RELN: variants seen among roughly 807,000 people sequenced by gnomAD.
RELN encodes reelin.
RELN carries 108 observed loss-of-function variants against 427.6 expected under a neutral mutation model. The observed-to-expected ratio is 0.25, with a 90% confidence interval of 0.22 to 0.30. The LOEUF (loss-of-function observed/expected upper bound fraction) is 0.30. RELN is among the 10% of genes least tolerant of loss of function. The pLI, the probability that RELN is intolerant of heterozygous loss-of-function variation, is 1.00. For synonymous variants in RELN, 1,524 were observed against 1,513.4 expected, an observed-to-expected ratio of 1.01 and a Z score of -0.16; for missense variants, 3,715 against 4,302.8, an observed-to-expected ratio of 0.86 and a Z score of 3.82.
intron 4 of RELN, among the ~76,000 whole-genome samples, chr7:103,776,108 A>C (rs1275797929): frequency 6.6e-6 from 1 of 152,206 alleles, no homozygotes; most frequent in African/African-American, 2.4e-5. Context: ...GTCTAGCCAC[A>C]CAAGTCCGAA....
In RELN at chr7:103,572,164, A is replaced by G. The variant is rs755487980; in HGVS notation, c.4588+20T>C. 3.4e-6 allele frequency: 5 copies of G among 1,449,856 alleles called. No individual in the cohort carries two copies. Among genetic ancestry groups the G allele is most frequent in the South Asian group, 1.1e-5 (1 of 87,748 alleles). 89.8% of individuals were successfully genotyped at this position (1,449,856 alleles called of 1,614,324 possible). On this transcript the variant is annotated intron_variant, in intron 31 of 64. Coordinates refer to ENST00000428762, the MANE Select transcript of RELN (RefSeq NM_005045.4). Reference sequence around the variant, plus strand: ...TCTGCCAATAGTAACTGTAATTTCCATGGAAATACAGCAGCTTACCTTCAT... The same window carrying G: ...TCTGCCAATAGTAACTGTAATTTCCGTGGAAATACAGCAGCTTACCTTCAT...
intron 5 of RELN, among the ~76,000 whole-genome samples, chr7:103,751,797 A>G (rs192350472): frequency 1.1e-3 from 163 of 152,332 alleles, no homozygotes; most frequent in African/African-American, 3.8e-3. Context: ...TTTTCCAAAG[A>G]GGAAAAATAA....
Position 103,988,546 on chromosome 7 carries a change from A to G in RELN, c.226+585T>C, listed in dbSNP as rs1797149493. On this transcript the variant is annotated intron_variant, in intron 1 of 64. Coordinates refer to ENST00000428762, the MANE Select transcript of RELN (RefSeq NM_005045.4). The surrounding 1 kb of genome is among the most constrained non-coding windows in gnomAD (Gnocchi z 4.9). ...TATTAAATCACACTTTCAAAAGAAT[A>G]GGGAGCTGGAAGCAGCCGCTCCCTT... is the stretch of plus-strand genomic sequence containing the variant. Among the ~76,000 whole-genome samples, 1 of 152,246 alleles carries G rather than the reference A, an allele frequency of 6.6e-6. No homozygotes were observed. The highest frequency in any genetic ancestry group is 1.5e-5 in the Non-Finnish European group (1 of 68,046).
At chr7:103,987,465 C>A (rs913588979) in intron 1 of RELN, among the ~76,000 whole-genome samples, 1 of 152,132 alleles carries the variant, frequency 6.6e-6, no homozygotes, top group African/African-American at 2.4e-5. Flanking sequence ...AATATCGAGA[C>A]CTTCCAAAGG....
At chr7:103,793,874 C>G (rs964423078) in intron 3 of RELN, among the ~76,000 whole-genome samples, 3 of 152,156 alleles carry the variant, frequency 2.0e-5, no homozygotes, top group African/African-American at 7.2e-5. Context: ...ACAAGTCATT[C>G]TCGTGCCTCA....
intron 11 of RELN, among the ~76,000 whole-genome samples, chr7:103,677,447 AATAAT>A (rs1833560029): frequency 2.1e-5 from 3 of 143,478 alleles, no homozygotes; most frequent in Admixed American, 7.0e-5. Context: ...TAATAATAAT[AATAAT>A]AAAAAGAACA....
chr7:103,498,751 C>A (rs1375676460), intron 53 of RELN, among the ~76,000 whole-genome samples: 1 of 152,094 alleles, frequency 6.6e-6, no homozygotes, highest in Non-Finnish European at 1.5e-5. Flanking sequence ...CTCCGCCTCC[C>A]AGAGTGCTGG....
At chr7:103,755,099 T>C (rs1447533017) in intron 4 of RELN, among the ~76,000 whole-genome samples, 3 of 151,966 alleles carry the variant, frequency 2.0e-5, no homozygotes, top group Non-Finnish European at 2.9e-5. Context: ...AGGTGAGAAA[T>C]GAGATCTTAT....
In RELN at chr7:103,728,171, A is replaced by G. The variant is rs1437421968; in HGVS notation, c.693T>C (p.Cys231=). The G allele has an allele frequency of 1.9e-6, 3 of 1,613,796 alleles. No individual in the cohort carries two copies. The highest frequency in any genetic ancestry group is 2.5e-6 in the Non-Finnish European group (3 of 1,179,914). ...ECNNCETGEQ[C]GAIMHGNAVT... ...CGGCATTGCCATGCATAATCGCGCC[A>G]CACTGTTCTCCAGTCTCACAGTTGT... Residue 231 remains cysteine (C), a synonymous_variant, in exon 7 of 65, where the codon TGT becomes TGC. Coordinates refer to ENST00000428762, the MANE Select transcript of RELN (RefSeq NM_005045.4).
intron 53 of RELN, among the ~76,000 whole-genome samples, chr7:103,499,973 T>C (rs1434798218): frequency 2.0e-5 from 3 of 152,226 alleles, no homozygotes; most frequent in Non-Finnish European, 2.9e-5. Context: ...TCCAATTTTA[T>C]TTAAAAAATG....
At chr7:103,477,633 C>T (rs1005197721) in intron 64 of RELN, among the ~76,000 whole-genome samples, 9 of 152,202 alleles carry the variant, frequency 5.9e-5, no homozygotes, top group Non-Finnish European at 1.3e-4. Flanking sequence ...ACATCTCACA[C>T]ATACTGAAGA....
chr7:103,498,053 A>T lies in RELN; in HGVS notation c.8843+24T>A. 1.9e-6 allele frequency: 3 copies of T among 1,612,922 alleles called. No individual in the cohort carries two copies. In the Middle Eastern group the frequency reaches 5.0e-4, roughly 266 times the overall value. ...ACCAATTTGCTATGGTGCAATAGAAATAACTAACAAAAAATTCACTTACTT... is the reference window on the plus strand; with the variant it reads ...ACCAATTTGCTATGGTGCAATAGAATTAACTAACAAAAAATTCACTTACTT... On this transcript the variant is annotated intron_variant, in intron 54 of 64. Transcript: ENST00000428762.
chr7:103,684,220 C>T (rs1466134120), intron 10 of RELN, among the ~76,000 whole-genome samples: 1 of 152,088 alleles, frequency 6.6e-6, no homozygotes, highest in Non-Finnish European at 1.5e-5. Context: ...TTAGGGTTCT[C>T]ATTCTGAGAA....
At position 103,661,405 on chromosome 7, in the gene RELN, T is replaced by A; in HGVS notation, c.1412A>T (p.Tyr471Phe). The change falls in exon 12 of 65, where the codon TAT (tyrosine) becomes TTT (phenylalanine). Residue 471 changes from tyrosine to phenylalanine, a missense_variant. By Grantham distance (22) the Tyr-to-Phe change is conservative. Transcript: ENST00000428762. ...CACAAAGTAAAACCTCAGGTTCCCA[T>A]AACCGGTAGTGTCCATGGATGGAGT... Reference protein sequence around the residue: ...LCTPSMDTTGYGNLRFYFVMG... With the variant: ...LCTPSMDTTGFGNLRFYFVMG... 6.2e-7 allele frequency: 1 copy of A among 1,613,900 alleles called. No individual in the cohort carries two copies. Among genetic ancestry groups the A allele is most frequent in the Non-Finnish European group, 8.5e-7 (1 of 1,179,892 alleles).
chr7:103,682,768 A>T (rs867674107), intron 10 of RELN, among the ~76,000 whole-genome samples: 3 of 152,376 alleles, frequency 2.0e-5, no homozygotes, highest in Middle Eastern at 6.8e-3. Flanking sequence ...AAACCCAGAT[A>T]TAATCACATA....
rs115734214 is a variant in RELN at position 103,651,665 on chromosome 7, T to G, written c.1888A>C (p.Ser630Arg). Residue 630 changes from serine (S) to arginine (R), a missense_variant, in exon 15 of 65, where the codon AGT (serine) becomes CGT (arginine). By Grantham distance (110) the Ser-to-Arg change is moderately radical (BLOSUM62 -1). This residue lies in a region of RELN where 2,208 missense variants were observed against 2,361.7 expected (regional missense o/e 0.93). Coordinates refer to ENST00000428762, the MANE Select transcript of RELN (RefSeq NM_005045.4). ...TCTCAGAGAGAATGTACTCACCCACTGTAGTTTTCAGAGGAGTAGACAGTG... is the reference window on the plus strand; with the variant it reads ...TCTCAGAGAGAATGTACTCACCCACGGTAGTTTTCAGAGGAGTAGACAGTG... The part of the protein sequence containing the change: ...HSTVYSSENY[S>R]GWNRITIPLP... 48,716 of 1,611,042 alleles carry G rather than the reference T, an allele frequency of 0.03. 806 individuals carry two copies. Among genetic ancestry groups the G allele is most frequent in the Non-Finnish European group, 0.034 (39,915 of 1,177,772 alleles).
intron 1 of RELN, among the ~76,000 whole-genome samples, chr7:103,924,310 T>C (rs1795678621): frequency 6.6e-6 from 1 of 152,218 alleles, no homozygotes; most frequent in African/African-American, 2.4e-5. Flanking sequence ...TCATTTTATA[T>C]GGATCTGTGC....
At chr7:103,660,936 G>C (rs946878430) in intron 12 of RELN, among the ~76,000 whole-genome samples, 1 of 152,112 alleles carries the variant, frequency 6.6e-6, no homozygotes, top group Non-Finnish European at 1.5e-5. Flanking sequence ...AAAATAGAGA[G>C]TATTATTAAA....
At chr7:103,794,061 C>T (rs1026993566) in intron 3 of RELN, among the ~76,000 whole-genome samples, 5 of 152,158 alleles carry the variant, frequency 3.3e-5, no homozygotes, top group African/African-American at 1.2e-4. Context: ...GCCACAGTGC[C>T]TGGCCATAAA....
Sources: gnomAD v4.1 joint callset for allele counts (sites outside exome capture counted in the v4.1 genomes callset) on GRCh38, gnomAD v4.1.1 for gene constraint, gnomAD v4.1.1 regional missense constraint, Gnocchi (gnomAD v3.1) non-coding constraint, MANE v1.5 for transcripts, NCBI Gene and HGNC (gene_info 2026-07-23, HGNC 2026-07-21) for gene names.